CHRM2: variants seen among roughly 807,000 people sequenced by gnomAD.
CHRM2 encodes cholinergic receptor muscarinic 2, also known as muscarinic acetylcholine receptor M2.
A neutral mutation model predicts 25.0 loss-of-function variants in CHRM2; 8 were observed. The observed-to-expected ratio is 0.32, with a 90% CI of 0.19 to 0.58. The LOEUF is 0.58. CHRM2 is among the 20% of genes least tolerant of loss of function. CHRM2 has a pLI of 0.88. For synonymous variants in CHRM2, 202 were observed against 205.7 expected (o/e 0.98, Z 0.15); for missense variants, 440 against 567.1 (o/e 0.78, Z 2.28).
At chr7:136,987,070 C>A (rs2131001030) in intron 2 of CHRM2, among the ~76,000 whole-genome samples, 1 of 152,312 alleles carries the variant, frequency 6.6e-6, no homozygotes, top group Middle Eastern at 3.4e-3. Flanking sequence ...AAATGCAACT[C>A]TAATGTCCTC....
At chr7:136,960,040 G>C (rs890985443) in intron 2 of CHRM2, among the ~76,000 whole-genome samples, 20 of 152,186 alleles carry the variant, frequency 1.3e-4, no homozygotes, top group Admixed American at 9.8e-4. Flanking sequence ...CTGGGTGAGG[G>C]AGAACGGAGA....
At chr7:137,011,293 T>C (rs1384120252) in intron 3 of CHRM2, among the ~76,000 whole-genome samples, 5 of 151,016 alleles carry the variant, frequency 3.3e-5, no homozygotes, top group African/African-American at 7.3e-5. Flanking sequence ...AGAAGTCCCA[T>C]CTGCAAGCCT....
At chr7:136,999,014 T>C (rs1349635261) in intron 3 of CHRM2, among the ~76,000 whole-genome samples, 2 of 152,182 alleles carry the variant, frequency 1.3e-5, no homozygotes, top group Non-Finnish European at 2.9e-5. Context: ...CTCACTTAGA[T>C]ACATTGATAA....
chr7:136,936,888 A>G (rs1799440834), intron 2 of CHRM2, among the ~76,000 whole-genome samples: 1 of 152,200 alleles, frequency 6.6e-6, no homozygotes, highest in Non-Finnish European at 1.5e-5. Flanking sequence ...ATGTCTCGAT[A>G]TAGCTGGAGA....
At chr7:136,889,327 C>T (rs1368071653) in intron 2 of CHRM2, among the ~76,000 whole-genome samples, 1 of 152,084 alleles carries the variant, frequency 6.6e-6, no homozygotes, top group Non-Finnish European at 1.5e-5. Context: ...CTTTGAGCTC[C>T]TCTTGAGCTA....
chr7:136,971,445 G>A (rs1431477370), intron 2 of CHRM2, among the ~76,000 whole-genome samples: 1 of 151,926 alleles, frequency 6.6e-6, no homozygotes, highest in African/African-American at 2.4e-5. Flanking sequence ...GTGAAACCCT[G>A]TCTCTAATAA....
intron 2 of CHRM2, among the ~76,000 whole-genome samples, chr7:136,913,413 C>CA (rs1380054193): frequency 6.6e-6 from 1 of 151,932 alleles, no homozygotes; most frequent in East Asian, 1.9e-4. Flanking sequence ...AGTAATCTGT[C>CA]AGTTTCTAGA....
chr7:136,998,979 A>G (rs549227247), intron 3 of CHRM2, among the ~76,000 whole-genome samples: 18 of 152,336 alleles, frequency 1.2e-4, no homozygotes, highest in African/African-American at 4.3e-4. Context: ...AGGCAGTATC[A>G]AATTTTAAAA....
chr7:136,894,259 G>T (rs1039586328), intron 2 of CHRM2, among the ~76,000 whole-genome samples: 2 of 152,120 alleles, frequency 1.3e-5, no homozygotes. Context: ...TATATAAAGG[G>T]TAACATATGA....
chr7:136,885,204 C>T (rs1193339078), intron 2 of CHRM2, among the ~76,000 whole-genome samples: 1 of 152,202 alleles, frequency 6.6e-6, no homozygotes, highest in Non-Finnish European at 1.5e-5. Context: ...CCCTCCTTAG[C>T]AATGGACCAA....
rs180891505 is a variant in CHRM2, at chr7:136,994,081, G to A, written c.-47+1817G>A. On this transcript the variant is annotated intron_variant, in intron 3 of 3. Transcript: ENST00000680005. ...TGAAAGGTGAAATCAAGACCTTGCC[G>A]CTCCAAATGCTCTCTCTAGCTCTCT... is the stretch of plus-strand genomic sequence containing the variant. Among the ~76,000 whole-genome samples the A allele has an allele frequency of 3.0e-4, 45 of 152,256 alleles. No individual in the cohort carries two copies. In the East Asian group the frequency reaches 6.0e-3, roughly 20 times the overall value.
Position 136,874,635 on chromosome 7 carries a change from T to A in CHRM2, c.-125+5217T>A, listed in dbSNP as rs372866349. 9.9e-5 allele frequency among the ~76,000 whole-genome samples: 14 copies of A among 141,688 alleles called. 1 individual carries two copies. Among genetic ancestry groups the A allele is most frequent in the African/African-American group, 1.3e-4 (5 of 38,438 alleles). The allele number at this position is 141,688 out of a possible 152,430, so 93.0% of individuals were successfully genotyped here. The stretch of plus-strand genomic sequence containing the variant: ...CTGAATGATGCCCTCTGGTGTTCAA[T>A]AACTGGAAGCACATTGGATTGGATA... On this transcript the variant is annotated intron_variant, in intron 2 of 3. Transcript: ENST00000680005.
intron 2 of CHRM2, among the ~76,000 whole-genome samples, chr7:136,933,129 T>C (rs1051468131): frequency 6.6e-5 from 10 of 152,320 alleles, no homozygotes; most frequent in South Asian, 6.2e-4. Flanking sequence ...CAAAACAAAT[T>C]GAACAGTCGC....
rs1466415242 is a variant in CHRM2 at position 136,961,117 on chromosome 7, T to TCCG, written c.-124-31070_-124-31069insCCG. ...TCCGGCCTGGACGACAGAGCTAGAC[T>TCCG]TCATTAAAAAAAAAAATTAATTAAA... On this transcript the variant is annotated intron_variant, in intron 2 of 3. Coordinates refer to ENST00000680005, the MANE Select transcript of CHRM2 (RefSeq NM_001006630.2). Among the ~76,000 whole-genome samples the TCCG allele has an allele frequency of 7.7e-4, 117 of 151,958 alleles. 2 individuals carry two copies. Among genetic ancestry groups the TCCG allele is most frequent in the African/African-American group, 2.8e-3 (114 of 41,406 alleles).
At chr7:136,883,378 C>T (rs1356985208) in intron 2 of CHRM2, among the ~76,000 whole-genome samples, 1 of 152,098 alleles carries the variant, frequency 6.6e-6, no homozygotes, top group Non-Finnish European at 1.5e-5. Context: ...ATATCTTCAC[C>T]TTCATGAATT....
intron 2 of CHRM2, among the ~76,000 whole-genome samples, chr7:136,889,235 T>C (rs1796598968): frequency 1.3e-5 from 2 of 152,136 alleles, no homozygotes; most frequent in African/African-American, 4.8e-5. Flanking sequence ...GGTTGCTTGC[T>C]CAGCCTTCAC....
chr7:136,948,488 A>C (rs904419804), intron 2 of CHRM2, among the ~76,000 whole-genome samples: 1 of 152,182 alleles, frequency 6.6e-6, no homozygotes, highest in African/African-American at 2.4e-5. Context: ...ATCTTAGTTT[A>C]GGACATTTCA....
Position 137,015,568 on chromosome 7 carries a change from C to T in CHRM2, c.703C>T (p.Leu235=), listed in dbSNP as rs138886480. 2 of 1,612,876 alleles carry T rather than the reference C, an allele frequency of 1.2e-6. No individual in the cohort carries two copies. Among genetic ancestry groups the T allele is most frequent in the South Asian group, 1.1e-5 (1 of 91,052 alleles). ...VANQDPVSPS[L]VQGRIVKPNN... The stretch of plus-strand genomic sequence containing the variant: ...CAACCAAGACCCCGTTTCTCCAAGT[C>T]TGGTACAAGGAAGGATAGTGAAGCC... Residue 235 remains leucine (L), a synonymous_variant, in exon 4 of 4, where the codon CTG becomes TTG. Transcript: ENST00000680005. The surrounding 1 kb of genome is among the most constrained non-coding windows in gnomAD (Gnocchi z 5.1).
Position 137,015,182 on chromosome 7 carries a change from TCA to T in CHRM2, c.318_319del (p.Ser107GlnfsTer13). The stretch of plus-strand genomic sequence containing the variant: ...CTTTGGCTAGCCCTGGACTATGTGG[TCA>T]GCAATGCCTCAGTTATGAATCTGCT... On this transcript the variant is annotated frameshift_variant, in exon 4 of 4. Coordinates refer to ENST00000680005, the MANE Select transcript of CHRM2 (RefSeq NM_001006630.2). LOFTEE classifies it high-confidence loss of function. This position sits in a 1 kb window ranked among gnomAD's most constrained non-coding sequence, Gnocchi z 5.1. 6.2e-7 allele frequency: 1 copy of T among 1,613,524 alleles called. No homozygotes were observed.
Sources: gnomAD v4.1 joint callset for allele counts (sites outside exome capture counted in the v4.1 genomes callset) on GRCh38, gnomAD v4.1.1 for gene constraint, Gnocchi (gnomAD v3.1) non-coding constraint, MANE v1.5 for transcripts, NCBI Gene and HGNC (gene_info 2026-07-23, HGNC 2026-07-21) for gene names.